ARHGEF6: variants seen among roughly 807,000 people sequenced by gnomAD.
The protein encoded by ARHGEF6 is rho guanine nucleotide exchange factor 6.
A neutral mutation model predicts 70.3 loss-of-function variants in ARHGEF6; 9 were observed. That is an observed-to-expected ratio of 0.13 (90% confidence interval 0.08 to 0.22). The LOEUF (loss-of-function observed/expected upper bound fraction) is 0.22, where lower values mean the gene tolerates loss of function less well. Among genes scored for constraint, ARHGEF6 ranks in the 10% least tolerant of loss-of-function variants. The pLI is 1.00. For synonymous variants in ARHGEF6, 201 were observed against 207.8 expected (o/e 0.97, Z 0.28); for missense variants, 470 against 563.0 (o/e 0.83, Z 1.67).
At chrX:136,748,082 T>C (rs1293284426) in intron 2 of ARHGEF6, among the ~76,000 whole-genome samples, 1 of 112,031 alleles carries the variant, frequency 8.9e-6, no homozygotes. Context: ...CCTTTTTCTC[T>C]GCTCTCCTTC....
chrX:136,679,752 TAGCAAAGAC>T lies in ARHGEF6; in HGVS notation c.1705-101_1705-93del. ...GAGAACAACAATAGCTTCATTGGAT[TAGCAAAGAC>T]AGCCATAGAAAGGGATAGATGGAAA... On this transcript the variant is annotated intron_variant, in intron 15 of 21. Coordinates refer to ENST00000250617, the MANE Select transcript of ARHGEF6 (RefSeq NM_004840.3). 4.6e-6 allele frequency: 5 copies of T among 1,084,651 alleles called. No individual in the cohort carries two copies. The East Asian group carries it at 1.5e-4, about 33-fold the overall frequency. 89.4% of individuals were successfully genotyped at this position (1,084,651 alleles called of 1,213,427 possible).
At chrX:136,771,383 TG>T (rs1448002267) in intron 2 of ARHGEF6, among the ~76,000 whole-genome samples, 2 of 112,252 alleles carry the variant, frequency 1.8e-5, no homozygotes, top group Non-Finnish European at 3.8e-5. Context: ...GGATCCAGAA[TG>T]GCCAAAGTGA....
chrX:136,739,621 T>A (rs970396912), intron 5 of ARHGEF6, among the ~76,000 whole-genome samples: 5 of 112,546 alleles, frequency 4.4e-5, no homozygotes, highest in Admixed American at 1.9e-4. Context: ...TGTATTATGT[T>A]AGACGGGGAA....
intron 2 of ARHGEF6, among the ~76,000 whole-genome samples, chrX:136,773,132 C>T (rs1328534792): frequency 2.7e-5 from 3 of 111,415 alleles, no homozygotes; most frequent in Non-Finnish European, 5.6e-5. Context: ...GAGCCCAGTA[C>T]TCAATTTGTC....
Position 136,679,767 on chromosome X carries a change from T to C in ARHGEF6, c.1705-107A>G, listed in dbSNP as rs779193810. The C allele has an allele frequency of 3.5e-4, 343 of 987,172 alleles. No homozygotes were observed. Among genetic ancestry groups the C allele is most frequent in the Non-Finnish European group, 4.7e-4 (332 of 700,050 alleles). The allele number at this position is 987,172 out of a possible 1,213,427, so 81.4% of individuals were successfully genotyped here. On this transcript the variant is annotated intron_variant, in intron 15 of 21. Coordinates refer to ENST00000250617, the MANE Select transcript of ARHGEF6 (RefSeq NM_004840.3). Reference sequence around the variant, plus strand: ...TTCATTGGATTAGCAAAGACAGCCATAGAAAGGGATAGATGGAAAAACAAA... The same window carrying C: ...TTCATTGGATTAGCAAAGACAGCCACAGAAAGGGATAGATGGAAAAACAAA...
chrX:136,777,952 A>C (rs1362659899), intron 2 of ARHGEF6, among the ~76,000 whole-genome samples: 1 of 110,698 alleles, frequency 9.0e-6, no homozygotes, highest in Non-Finnish European at 1.9e-5. Context: ...ATGCAAAGGC[A>C]TAGGAATGAT....
At chrX:136,673,871 G>T (rs73560794) in intron 19 of ARHGEF6, among the ~76,000 whole-genome samples, 8,806 of 108,591 alleles carry the variant, frequency 0.081, 922 homozygotes, top group African/African-American at 0.28. Flanking sequence ...TCGTTCTCTT[G>T]TATTTATTTA....
intron 19 of ARHGEF6, among the ~76,000 whole-genome samples, chrX:136,674,384 CT>C (rs761415310): frequency 1.0e-3 from 112 of 112,470 alleles, no homozygotes; most frequent in African/African-American, 3.4e-3. Context: ...AGTGACCTGT[CT>C]TTTTAAAAGC....
At chrX:136,767,040 T>TG in intron 2 of ARHGEF6, 1 of 704,976 alleles carries the variant, frequency 1.4e-6, no homozygotes, top group Non-Finnish European at 1.7e-6. Context: ...GCCACGGCAG[T>TG]GGGGAAGAAG....
At chrX:136,686,703 T>TATACAC (rs1302602726) in intron 11 of ARHGEF6, among the ~76,000 whole-genome samples, 2 of 29,042 alleles carry the variant, frequency 6.9e-5, no homozygotes, top group African/African-American at 2.3e-4. Flanking sequence ...TACACATATA[T>TATACAC]ATATACATAT....
At chrX:136,673,532 T>C (rs761467560) in intron 19 of ARHGEF6, among the ~76,000 whole-genome samples, 35 of 111,505 alleles carry the variant, frequency 3.1e-4, no homozygotes, top group African/African-American at 1.1e-3. Flanking sequence ...TGGCTGCACT[T>C]CCCAGCTGCA....
intron 12 of ARHGEF6, among the ~76,000 whole-genome samples, chrX:136,684,688 C>T (rs1166531791): frequency 2.7e-5 from 3 of 111,144 alleles, no homozygotes; most frequent in Non-Finnish European, 5.7e-5. Context: ...GCCTATGGGA[C>T]ATCTCCACCC....
At chrX:136,687,866 C>T in intron 11 of ARHGEF6, 66 bp downstream of exon 11, 1 of 953,896 alleles carries the variant, frequency 1.0e-6, no homozygotes, top group Non-Finnish European at 1.5e-6. Context: ...AAATGTTACA[C>T]ACAAATCGCT....
rs778906244 is a variant in ARHGEF6, at chrX:136,763,126, T to C, written c.250-15534A>G. ...GATTTCAGTTATTCCACGTTGTACA[T>C]AGATATATAGAGTTTCTGCCATTGC... On this transcript the variant is annotated intron_variant, in intron 2 of 21. Coordinates refer to ENST00000250617, the MANE Select transcript of ARHGEF6 (RefSeq NM_004840.3). Among the ~76,000 whole-genome samples the C allele has an allele frequency of 8.9e-5, 10 of 112,262 alleles. No homozygotes were observed. In the East Asian group the frequency reaches 1.7e-3, roughly 19 times the overall value.
intron 5 of ARHGEF6, among the ~76,000 whole-genome samples, chrX:136,736,618 G>GATGTGTGTATGTGTGTGTGTGTGTGT (rs58741198): frequency 3.9e-4 from 40 of 103,739 alleles, no homozygotes; most frequent in African/African-American, 1.4e-3. Context: ...GTTAAAAAGA[G>GATGTGTGTATGTGTGTGTGTGTGTGT]GTGTGTGTGT....
At position 136,756,730 on chromosome X, in the gene ARHGEF6, G is replaced by C. The variant is rs188411825; in HGVS notation, c.250-9138C>G. 7.6e-4 allele frequency among the ~76,000 whole-genome samples: 85 copies of C among 112,567 alleles called. 1 individual carries two copies. The highest frequency in any genetic ancestry group is 2.5e-3 in the African/African-American group (78 of 31,051). On this transcript the variant is annotated intron_variant, in intron 2 of 21. Transcript: ENST00000250617. ...TATTATTATTTTCTCTCTTTACTTA[G>C]AGATTACCTTCAGCCATTCATTTGG...
intron 12 of ARHGEF6, among the ~76,000 whole-genome samples, chrX:136,684,473 C>G (rs1036567689): frequency 9.0e-6 from 1 of 111,653 alleles, no homozygotes; most frequent in Non-Finnish European, 1.9e-5. Context: ...TTCTAACACC[C>G]GATACATCAA....
rs754925318 is a variant in ARHGEF6, at chrX:136,708,773, G to GA, written c.828-4dup. ...ATGTAACCTCCACAGTACTCAGACT[G>GA]AAAAAAAAATACAGTACATGTAGTT... is the stretch of plus-strand genomic sequence containing the variant. On this transcript the variant is annotated splice_region_variant and splice_polypyrimidine_tract_variant and intron_variant, in intron 7 of 21. Coordinates refer to ENST00000250617, the MANE Select transcript of ARHGEF6 (RefSeq NM_004840.3). 5.8e-4 allele frequency: 652 copies of GA among 1,132,185 alleles called. No homozygotes were observed. The highest frequency in any genetic ancestry group is 6.5e-4 in the Non-Finnish European group (545 of 834,660). The allele number at this position is 1,132,185 out of a possible 1,213,427, so 93.3% of individuals were successfully genotyped here. A position where few individuals can be genotyped will look rare whatever the true frequency, so the allele number is the denominator to read the frequency against.
chrX:136,692,047 C>T (rs1259030750), intron 9 of ARHGEF6, among the ~76,000 whole-genome samples: 3 of 111,031 alleles, frequency 2.7e-5, no homozygotes, highest in Non-Finnish European at 5.7e-5. Context: ...GGAAACAGAG[C>T]GGATTGCAGG....
Sources: allele counts gnomAD v4.1 joint callset (sites outside exome capture counted in the v4.1 genomes callset), GRCh38; gene constraint gnomAD v4.1.1; transcripts MANE v1.5; gene names NCBI Gene and HGNC (gene_info 2026-07-23, HGNC 2026-07-21).